TSPAN11: variants seen among roughly 807,000 people sequenced by gnomAD.
The protein encoded by TSPAN11 is tetraspanin 11, also known as tetraspanin-11.
A neutral mutation model predicts 32.9 loss-of-function variants in TSPAN11; 29 were observed. The observed-to-expected ratio is 0.88, with a 90% confidence interval of 0.66 to 1.20. The LOEUF is 1.20. TSPAN11 is among the 50% of genes most tolerant of loss of function. The pLI, the probability that TSPAN11 is intolerant of heterozygous loss-of-function variation, is 0.00. For missense variants in TSPAN11, 283 were observed against 329.1 expected (o/e 0.86, Z 1.08); for synonymous variants, 140 against 141.3 (o/e 0.99, Z 0.07).
rs1388425031 is a variant in TSPAN11 at position 30,995,266 on chromosome 12, T to C, written c.*3351T>C. On this transcript the variant is annotated 3_prime_UTR_variant, in exon 8 of 8. Coordinates refer to ENST00000546076, the MANE Select transcript of TSPAN11 (RefSeq NM_001370302.1). Reference sequence around the variant, plus strand: ...GTCCACATGGAGGTCACCCCTCAGGTCACACCCACTCCCAGAGCAACCCTG... The same window carrying C: ...GTCCACATGGAGGTCACCCCTCAGGCCACACCCACTCCCAGAGCAACCCTG... The C allele has an allele frequency of 6.6e-6, 1 of 152,208 alleles. No individual in the cohort carries two copies. The highest frequency in any genetic ancestry group is 2.4e-5 in the African/African-American group (1 of 41,424). 9.4% of individuals were successfully genotyped at this position (152,208 alleles called of 1,614,324 possible). A position where few individuals can be genotyped will look rare whatever the true frequency, so the allele number is the denominator to read the frequency against.
chr12:31,001,734 C>T, the TSPAN11 span, among the ~76,000 whole-genome samples: 2 of 152,122 alleles, frequency 1.3e-5, no homozygotes, highest in African/African-American at 2.4e-5. Context: ...AGTGAGGGGG[C>T]TCCCAGAGTC....
intron 3 of TSPAN11, among the ~76,000 whole-genome samples, chr12:30,964,919 G>C (rs1190698808): frequency 6.6e-6 from 1 of 152,164 alleles, no homozygotes; most frequent in Non-Finnish European, 1.5e-5. Context: ...TTTGGGTTTT[G>C]AGCTCTTTTT....
intron 3 of TSPAN11, among the ~76,000 whole-genome samples, chr12:30,969,519 G>A (rs1420944332): frequency 1.3e-5 from 2 of 152,200 alleles, no homozygotes; most frequent in African/African-American, 2.4e-5. Context: ...GGCTCCTTGG[G>A]AAGCAGGATG....
intron 2 of TSPAN11, among the ~76,000 whole-genome samples, chr12:30,961,017 C>T (rs138020507): frequency 4.0e-4 from 56 of 139,370 alleles, no homozygotes; most frequent in African/African-American, 1.4e-3. Flanking sequence ...CCAGACTAGG[C>T]GACAGAGCGA....
At position 30,963,924 on chromosome 12, in the gene TSPAN11, C is replaced by T; in HGVS notation, c.183C>T (p.Ala61=). The part of the protein sequence containing the change: ...VLASSTFAAS[A]YILIFAGVLV... ...CCTCCAGCACCTTTGCCGCCTCCGCCTACATCCTCATCTTTGCGGGCGTAC... is the reference window on the plus strand; with the variant it reads ...CCTCCAGCACCTTTGCCGCCTCCGCTTACATCCTCATCTTTGCGGGCGTAC... The change falls in exon 3 of 8, where the codon GCC becomes GCT. Residue 61 remains alanine, a synonymous_variant. Coordinates refer to ENST00000546076, the MANE Select transcript of TSPAN11 (RefSeq NM_001370302.1). 3.1e-6 allele frequency: 5 copies of T among 1,613,936 alleles called. No homozygotes were observed. In the South Asian group the frequency reaches 3.3e-5, roughly 11 times the overall value.
At chr12:30,989,531 C>T (rs888294925) in intron 7 of TSPAN11, among the ~76,000 whole-genome samples, 2 of 152,102 alleles carry the variant, frequency 1.3e-5, no homozygotes, top group Non-Finnish European at 2.9e-5. Flanking sequence ...AGTGTACAGA[C>T]CGGATGTTTT....
chr12:31,013,478 G>A, the TSPAN11 span, among the ~76,000 whole-genome samples: 5 of 152,058 alleles, frequency 3.3e-5, no homozygotes, highest in Non-Finnish European at 2.9e-5. Flanking sequence ...AGCTACTCAG[G>A]AGGGATGAGG....
At chr12:30,989,406 G>T (rs1365531582) in intron 7 of TSPAN11, among the ~76,000 whole-genome samples, 2 of 152,198 alleles carry the variant, frequency 1.3e-5, no homozygotes, top group African/African-American at 4.8e-5. Context: ...GGGAGCGGGG[G>T]TCTTTATCCT....
At chr12:30,968,656 A>G (rs1293544296) in intron 3 of TSPAN11, among the ~76,000 whole-genome samples, 1 of 152,332 alleles carries the variant, frequency 6.6e-6, no homozygotes, top group African/African-American at 2.4e-5. Context: ...GAAAACTTCT[A>G]TATTTTAAGC....
chr12:30,930,524 T>G (rs1937899296), intron 1 of TSPAN11, among the ~76,000 whole-genome samples: 1 of 152,194 alleles, frequency 6.6e-6, no homozygotes, highest in Non-Finnish European at 1.5e-5. Context: ...CCTCTCCGTG[T>G]GACCTTCCGT....
intron 1 of TSPAN11, among the ~76,000 whole-genome samples, chr12:30,933,919 C>A (rs1937988003): frequency 6.6e-6 from 1 of 152,170 alleles, no homozygotes; most frequent in South Asian, 2.1e-4. Flanking sequence ...TTCTATACCC[C>A]TTCCCTTCAC....
chr12:30,948,653 G>A (rs915493850), intron 1 of TSPAN11, among the ~76,000 whole-genome samples: 3 of 152,266 alleles, frequency 2.0e-5, no homozygotes, highest in Non-Finnish European at 2.9e-5. Flanking sequence ...CCCTGGACTC[G>A]TCCCACAAAA....
At chr12:31,012,083 C>G in the TSPAN11 span, among the ~76,000 whole-genome samples, 1 of 152,260 alleles carries the variant, frequency 6.6e-6, no homozygotes, top group African/African-American at 2.4e-5. Flanking sequence ...TTATAAAAAG[C>G]CCGAAGCTGG....
At chr12:31,010,670 C>T in the TSPAN11 span, among the ~76,000 whole-genome samples, 28 of 152,044 alleles carry the variant, frequency 1.8e-4, no homozygotes, top group Admixed American at 1.8e-3. Context: ...GTGACACGTG[C>T]CTGCAGTCCC....
intron 1 of TSPAN11, among the ~76,000 whole-genome samples, chr12:30,928,766 C>T (rs926832666): frequency 2.0e-5 from 3 of 152,194 alleles, no homozygotes; most frequent in Non-Finnish European, 2.9e-5. Flanking sequence ...TTTGCTTCCT[C>T]AGAGAGGCCT....
intron 2 of TSPAN11, among the ~76,000 whole-genome samples, chr12:30,957,719 C>T (rs995726613): frequency 1.4e-5 from 1 of 73,324 alleles, no homozygotes; most frequent in African/African-American, 7.0e-5. Flanking sequence ...TTCCTTCCTT[C>T]CTTCCTTCCC....
intron 1 of TSPAN11, among the ~76,000 whole-genome samples, chr12:30,942,821 T>C (rs1938193692): frequency 1.3e-5 from 2 of 152,198 alleles, no homozygotes; most frequent in African/African-American, 4.8e-5. Context: ...GCTAGGGTTT[T>C]AATTCGAGTT....
In TSPAN11 at chr12:30,954,006, G is replaced by T. The variant is rs2140284554; in HGVS notation, c.15G>T (p.Lys5Asn). 1.9e-6 allele frequency: 3 copies of T among 1,613,760 alleles called. No homozygotes were observed. The highest frequency in any genetic ancestry group is 2.5e-6 in the Non-Finnish European group (3 of 1,179,974). The part of the protein sequence containing the change: MAHY[K>N]TEQDDWLIIY... ...GCCCAGAAGCCATGGCCCACTATAA[G>T]ACTGAGCAGGACGACTGGCTGATCA... Residue 5 changes from lysine (K) to asparagine (N), a missense_variant, in exon 2 of 8, where the codon AAG (lysine) becomes AAT (asparagine). By Grantham distance (94) the Lys-to-Asn change is moderately conservative (BLOSUM62 0). Transcript: ENST00000546076.
chr12:30,958,173 C>G (rs1938538054), intron 2 of TSPAN11, among the ~76,000 whole-genome samples: 1 of 152,002 alleles, frequency 6.6e-6, no homozygotes, highest in Admixed American at 6.6e-5. Context: ...CAGTAAGACT[C>G]ATGAGATTTT....
Sources: allele counts gnomAD v4.1 joint callset (sites outside exome capture counted in the v4.1 genomes callset), GRCh38; gene constraint gnomAD v4.1.1; transcripts MANE v1.5; gene names NCBI Gene and HGNC (gene_info 2026-07-23, HGNC 2026-07-21).